Variants in FAM149A observed in about 807,000 individuals in gnomAD.
FAM149A encodes protein FAM149A.
In FAM149A, 71 loss-of-function variants were observed where a neutral mutation model predicts 78.2. The observed-to-expected ratio is 0.91, with a 90% CI of 0.75 to 1.11. The LOEUF (loss-of-function observed/expected upper bound fraction) is 1.11, where lower values mean the gene tolerates loss of function less well. Among genes scored for constraint, FAM149A ranks in the 50% least tolerant of loss-of-function variants. FAM149A has a pLI of 0.00. For synonymous variants in FAM149A, 446 were observed against 410.5 expected (o/e 1.09, Z -1.04); for missense variants, 1,036 against 971.0 (o/e 1.07, Z -0.89).
chr4:186,169,322 T>C, intron 13 of FAM149A: 2 of 985,414 alleles, frequency 2.0e-6, no homozygotes, highest in Non-Finnish European at 2.4e-6. Flanking sequence ...AGGCCCCTGA[T>C]CTCACGACGT....
rs200649167 is a variant in FAM149A at position 186,122,904 on chromosome 4, C to CA, written c.566+17263dup. 1,016 of 262,212 alleles carry CA rather than the reference C, an allele frequency of 3.9e-3. 14 individuals are homozygous for CA. The highest frequency in any genetic ancestry group is 0.022 in the African/African-American group (942 of 43,600). 16.2% of individuals were successfully genotyped at this position (262,212 alleles called of 1,614,324 possible). On this transcript the variant is annotated intron_variant, in intron 1 of 13. Coordinates refer to ENST00000389354, the MANE Select transcript of FAM149A (RefSeq NM_001367768.3). ...CCTAATGTTCCAAATTTCATATTTC[C>CA]ACCTTTCTTGAAAGCATCTGGTAAT...
intron 1 of FAM149A, among the ~76,000 whole-genome samples, chr4:186,122,113 A>G (rs1212840647): frequency 1.3e-5 from 2 of 151,984 alleles, no homozygotes; most frequent in African/African-American, 4.8e-5. Flanking sequence ...TGCTGACAAC[A>G]TATAGATAAA....
At chr4:186,163,257 T>G (rs959465481) in intron 9 of FAM149A, among the ~76,000 whole-genome samples, 167 bp from the exon 10 acceptor site, 1 of 152,216 alleles carries the variant, frequency 6.6e-6, no homozygotes, top group Non-Finnish European at 1.5e-5. Context: ...TGATTCTTCA[T>G]TGAAACAGAA....
At chr4:186,141,894 G>C (rs1042626597) in intron 1 of FAM149A, among the ~76,000 whole-genome samples, 1 of 152,184 alleles carries the variant, frequency 6.6e-6, no homozygotes, top group Non-Finnish European at 1.5e-5. Flanking sequence ...TGTAACTAAT[G>C]GATGGGGTGA....
chr4:186,106,153 C>G (rs1199618596), intron 1 of FAM149A, among the ~76,000 whole-genome samples: 2 of 152,118 alleles, frequency 1.3e-5, no homozygotes, highest in African/African-American at 4.8e-5. Flanking sequence ...ATATGCATGA[C>G]ATCATCTGAC....
Position 186,149,606 on chromosome 4 carries a change from C to G in FAM149A, c.691C>G (p.Pro231Ala). ...CTTTTCCTCCAGCGGAAGCCATACACCCACGGGAGCCCACACCTCTTGGTC... is the reference window on the plus strand; with the variant it reads ...CTTTTCCTCCAGCGGAAGCCATACAGCCACGGGAGCCCACACCTCTTGGTC... Residue 231 changes from proline (P) to alanine (A), a missense_variant, in exon 3 of 14, where the codon CCC becomes GCC. Pro to Ala is a conservative substitution (Grantham distance 27). This residue lies in a region of FAM149A where 716 missense variants were observed against 711.8 expected (regional missense o/e 1.01). Coordinates refer to ENST00000389354, the MANE Select transcript of FAM149A (RefSeq NM_001367768.3). 7.8e-7 allele frequency: 1 copy of G among 1,289,950 alleles called. No homozygotes were observed. The highest frequency in any genetic ancestry group is 1.0e-6 in the Non-Finnish European group (1 of 988,896). 79.9% of individuals were successfully genotyped at this position (1,289,950 alleles called of 1,614,324 possible).
At chr4:186,147,019 T>C in intron 1 of FAM149A, 1 of 970,266 alleles carries the variant, frequency 1.0e-6, no homozygotes, top group African/African-American at 1.8e-5. Flanking sequence ...ATCTATATAA[T>C]ACAAAATGCT....
intron 1 of FAM149A, chr4:186,116,911 C>T (rs74580300): frequency 0.011 from 2,418 of 221,648 alleles, 64 homozygotes; most frequent in African/African-American, 0.053. Flanking sequence ...GTAATCATAA[C>T]AGCTCATGTA....
At chr4:186,150,846 C>G (rs954598305) in intron 3 of FAM149A, 5 of 155,598 alleles carry the variant, frequency 3.2e-5, no homozygotes, top group Non-Finnish European at 7.0e-5. Context: ...CTCAGCCTCC[C>G]GAGTAGCTGG....
At chr4:186,120,011 TC>T (rs144848027) in intron 1 of FAM149A, among the ~76,000 whole-genome samples, 349 of 152,324 alleles carry the variant, frequency 2.3e-3, no homozygotes, top group African/African-American at 8.0e-3. Context: ...GGTGATAAAT[TC>T]CCAAGGGAAG....
intron 1 of FAM149A, among the ~76,000 whole-genome samples, chr4:186,147,812 T>C (rs1465382392): frequency 6.6e-6 from 1 of 152,198 alleles, no homozygotes; most frequent in Non-Finnish European, 1.5e-5. Flanking sequence ...GGGCTAAAGG[T>C]AAAGCAGTTT....
At chr4:186,136,936 A>ATCTCTC (rs142934788) in intron 1 of FAM149A, among the ~76,000 whole-genome samples, 897 of 87,846 alleles carry the variant, frequency 0.01, 14 homozygotes, top group Admixed American at 0.028. Context: ...ACACTGATTG[A>ATCTCTC]TCTCTCTCTC....
At chr4:186,131,617 G>A (rs766182014) in intron 1 of FAM149A, among the ~76,000 whole-genome samples, 5 of 152,150 alleles carry the variant, frequency 3.3e-5, no homozygotes, top group Non-Finnish European at 5.9e-5. Flanking sequence ...TAAATAGTGC[G>A]GAACCAACTG....
intron 1 of FAM149A, among the ~76,000 whole-genome samples, chr4:186,124,610 T>C (rs964593599): frequency 5.0e-4 from 76 of 152,200 alleles, no homozygotes; most frequent in African/African-American, 1.7e-3. Flanking sequence ...TTTTTATGGC[T>C]GCATAGTATT....
At chr4:186,136,216 A>G (rs1012599158) in intron 1 of FAM149A, among the ~76,000 whole-genome samples, 20 of 152,190 alleles carry the variant, frequency 1.3e-4, no homozygotes, top group Admixed American at 8.5e-4. Flanking sequence ...TCTTCATAGA[A>G]TATGTTTGGA....
chr4:186,125,685 G>A, intron 1 of FAM149A: 1 of 983,932 alleles, frequency 1.0e-6, no homozygotes, highest in Non-Finnish European at 1.2e-6. Context: ...GAAATATGGG[G>A]CTTAATAAAT....
At chr4:186,150,451 G>T (rs538980709) in intron 3 of FAM149A, among the ~76,000 whole-genome samples, 17 of 100,462 alleles carry the variant, frequency 1.7e-4, no homozygotes, top group Non-Finnish European at 2.8e-4. Flanking sequence ...ACGGAGTCTC[G>T]CTCTGTCGCC....
chr4:186,150,463 A>G (rs1249791409), intron 3 of FAM149A, among the ~76,000 whole-genome samples: 10 of 101,778 alleles, frequency 9.8e-5, no homozygotes, highest in African/African-American at 3.8e-4. Context: ...TCTGTCGCCC[A>G]GGCTGGAGTG....
At position 186,173,089 on chromosome 4, in the gene FAM149A, CTA is replaced by C. The variant is rs1374036830; in HGVS notation, c.*1110_*1111del. ...TAATCCAAACTGTAACTTTATAAGGCTATATATATGAGCATATTTATAAACTT... is the reference window on the plus strand; with the variant it reads ...TAATCCAAACTGTAACTTTATAAGGCTATATATGAGCATATTTATAAACTT... On this transcript the variant is annotated 3_prime_UTR_variant, in exon 14 of 14. Transcript: ENST00000389354. 8.9e-6 allele frequency among the ~76,000 whole-genome samples: 1 copy of C among 112,024 alleles called. No homozygotes were observed. The highest frequency in any genetic ancestry group is 2.8e-5 in the African/African-American group (1 of 35,742). 73.5% of individuals were successfully genotyped at this position (112,024 alleles called of 152,430 possible).
Sources: gnomAD v4.1 joint callset for allele counts (sites outside exome capture counted in the v4.1 genomes callset) on GRCh38, gnomAD v4.1.1 for gene constraint, gnomAD v4.1.1 regional missense constraint, MANE v1.5 for transcripts, NCBI Gene and HGNC (gene_info 2026-07-23, HGNC 2026-07-21) for gene names.